The following FARS2 variants were observed in gnomAD, a reference collection of about 807,000 sequenced individuals.
FARS2 encodes the protein phenylalanyl-tRNA synthetase 2, mitochondrial.
FARS2 carries 40 observed loss-of-function variants against 46.4 expected under a neutral mutation model. That is an observed-to-expected ratio of 0.86 (90% CI 0.67 to 1.12). The LOEUF is 1.12. FARS2 is among the 50% of genes most tolerant of loss of function. The probability of loss-of-function intolerance (pLI) is 0.00; values close to 1 mark genes in which losing one functional copy is unlikely to be tolerated. For missense variants in FARS2, 513 were observed against 567.9 expected, an observed-to-expected ratio of 0.90 and a Z score of 0.98; for synonymous variants, 234 against 214.9, an observed-to-expected ratio of 1.09 and a Z score of -0.78.
intron 6 of FARS2, among the ~76,000 whole-genome samples, chr6:5,616,010 T>TAAAAAAAAAAAAAAAA (rs11327256): frequency 4.2e-5 from 4 of 95,824 alleles, no homozygotes; most frequent in Non-Finnish European, 6.2e-5. Flanking sequence ...CCATAGCTCT[T>TAAAAAAAAAAAAAAAA]AAAAAAAAAA....
chr6:5,297,824 T>G (rs984321082), intron 1 of FARS2, among the ~76,000 whole-genome samples: 1 of 152,272 alleles, frequency 6.6e-6, no homozygotes. Context: ...TGATTTCCCT[T>G]TTATTTAAGA....
chr6:5,521,749 A>G (rs1027088760), intron 4 of FARS2, among the ~76,000 whole-genome samples: 1 of 152,214 alleles, frequency 6.6e-6, no homozygotes, highest in Admixed American at 6.5e-5. Flanking sequence ...AACCTGTTTC[A>G]GTGTGTAGGT....
At chr6:5,652,981 T>C (rs2150763800) in intron 6 of FARS2, among the ~76,000 whole-genome samples, 1 of 152,326 alleles carries the variant, frequency 6.6e-6, no homozygotes, top group South Asian at 2.1e-4. Context: ...CTTGTGTGTA[T>C]GCAGGAGAGA....
chr6:5,685,046 T>C (rs1398546633), intron 6 of FARS2, among the ~76,000 whole-genome samples: 1 of 152,088 alleles, frequency 6.6e-6, no homozygotes, highest in Non-Finnish European at 1.5e-5. Flanking sequence ...GTGGAACCCA[T>C]GGAGGCTCAT....
rs1762671545 is a variant in FARS2 at position 5,764,913 on chromosome 6, C to T, written c.1218-6378C>T. On this transcript the variant is annotated intron_variant, in intron 6 of 6. Transcript: ENST00000274680. This position sits in a 1 kb window ranked among gnomAD's most constrained non-coding sequence, Gnocchi z 4.1. ...TCTTTAGAAAATCTCCTTCTTGGCA[C>T]ACTTTGAACTGGAGAGCAGTGACAC... Among the ~76,000 whole-genome samples the T allele has an allele frequency of 6.6e-6, 1 of 152,222 alleles. No individual in the cohort carries two copies. Among genetic ancestry groups the T allele is most frequent in the South Asian group, 2.1e-4 (1 of 4,832 alleles).
intron 4 of FARS2, among the ~76,000 whole-genome samples, chr6:5,453,080 C>A (rs1764599664): frequency 6.6e-6 from 1 of 152,160 alleles, no homozygotes; most frequent in African/African-American, 2.4e-5. Context: ...AACTCCACTA[C>A]TGAAGTTTGC....
intron 6 of FARS2, among the ~76,000 whole-genome samples, chr6:5,622,254 G>A (rs369340550): frequency 3.9e-5 from 6 of 152,184 alleles, no homozygotes; most frequent in African/African-American, 9.7e-5. Context: ...TTTTTACACC[G>A]CCTTCCTCTT....
chr6:5,508,717 T>C (rs1346642205), intron 4 of FARS2, among the ~76,000 whole-genome samples: 2 of 152,192 alleles, frequency 1.3e-5, no homozygotes, highest in African/African-American at 4.8e-5. Context: ...ATGTATGTTC[T>C]TGGGCATGGG....
At chr6:5,683,741 G>A (rs1163058226) in intron 6 of FARS2, among the ~76,000 whole-genome samples, 1 of 152,072 alleles carries the variant, frequency 6.6e-6, no homozygotes, top group Non-Finnish European at 1.5e-5. Context: ...GGAGGCATTA[G>A]ATATTTGTCC....
chr6:5,507,639 CT>C (rs1768178175), intron 4 of FARS2, among the ~76,000 whole-genome samples: 1 of 152,160 alleles, frequency 6.6e-6, no homozygotes, highest in Non-Finnish European at 1.5e-5. Flanking sequence ...ATGGTAATAG[CT>C]TTTAAGAGAG....
intron 6 of FARS2, among the ~76,000 whole-genome samples, chr6:5,643,744 T>C (rs1483798979): frequency 6.6e-6 from 1 of 152,110 alleles, no homozygotes; most frequent in Non-Finnish European, 1.5e-5. Flanking sequence ...AACTGCTTGA[T>C]CCACAGTCTA....
chr6:5,432,532 T>A lies in FARS2; in HGVS notation c.904+1360T>A, dbSNP rs1258352683. ...TATCCCAATCATATATATATATTTTTTTTTTTCAGAGTATAAATCCTCCAA... is the reference window on the plus strand; with the variant it reads ...TATCCCAATCATATATATATATTTTATTTTTTCAGAGTATAAATCCTCCAA... On this transcript the variant is annotated intron_variant, in intron 4 of 6. Coordinates refer to ENST00000274680, the MANE Select transcript of FARS2 (RefSeq NM_006567.5). Among the ~76,000 whole-genome samples, 242 of 139,470 alleles carry A rather than the reference T, an allele frequency of 1.7e-3. 2 individuals are homozygous for A. The highest frequency in any genetic ancestry group is 5.0e-3 in the African/African-American group (185 of 37,306). The allele number at this position is 139,470 out of a possible 152,430, so 91.5% of individuals were successfully genotyped here. A position where few individuals can be genotyped will look rare whatever the true frequency, so the allele number is the denominator to read the frequency against.
In FARS2 at chr6:5,405,480, C is replaced by CTTTTTTTTTTTTTTTTTTT. The variant is rs398000284; in HGVS notation, c.772+786_772+804dup. ...AGGACGTGATCAGTGGAGCAAGGTT[C>CTTTTTTTTTTTTTTTTTTT]TTTTTTTTTTTTTTTTTTTTTTTTT... On this transcript the variant is annotated intron_variant, in intron 3 of 6. Transcript: ENST00000274680. Among the ~76,000 whole-genome samples the CTTTTTTTTTTTTTTTTTTT allele has an allele frequency of 8.5e-4, 50 of 58,952 alleles. 8 individuals carry two copies. Among genetic ancestry groups the CTTTTTTTTTTTTTTTTTTT allele is most frequent in the Non-Finnish European group, 1.1e-3 (36 of 32,156 alleles). 38.7% of individuals were successfully genotyped at this position (58,952 alleles called of 152,430 possible). A position where few individuals can be genotyped will look rare whatever the true frequency, so the allele number is the denominator to read the frequency against.
At chr6:5,746,614 A>T (rs1561835268) in intron 6 of FARS2, among the ~76,000 whole-genome samples, 1 of 144,348 alleles carries the variant, frequency 6.9e-6, no homozygotes, top group Admixed American at 7.5e-5. Context: ...GGCTGGTGAG[A>T]CTGCGGGCTC....
intron 6 of FARS2, among the ~76,000 whole-genome samples, chr6:5,679,760 C>T (rs371290788): frequency 1.3e-5 from 2 of 152,196 alleles, no homozygotes; most frequent in South Asian, 2.1e-4. Context: ...AGAAAAGCTT[C>T]TATCCTTTCC....
At chr6:5,735,244 C>T (rs1198825770) in intron 6 of FARS2, among the ~76,000 whole-genome samples, 1 of 152,216 alleles carries the variant, frequency 6.6e-6, no homozygotes. Flanking sequence ...AAGTAACTTA[C>T]TCAAGGCCAC....
chr6:5,697,450 A>G (rs1192568337), intron 6 of FARS2, among the ~76,000 whole-genome samples: 5 of 152,232 alleles, frequency 3.3e-5, no homozygotes, highest in African/African-American at 1.2e-4. Flanking sequence ...TTTGGAGATG[A>G]AAGACTTCTA....
chr6:5,737,104 C>T (rs932691877), intron 6 of FARS2, among the ~76,000 whole-genome samples: 5 of 152,150 alleles, frequency 3.3e-5, no homozygotes, highest in African/African-American at 7.2e-5. Flanking sequence ...GATGACCCTG[C>T]GTGAAGGGAG....
chr6:5,770,695 T>C (rs1762989874), intron 6 of FARS2, among the ~76,000 whole-genome samples: 1 of 152,222 alleles, frequency 6.6e-6, no homozygotes, highest in African/African-American at 2.4e-5. Flanking sequence ...TCAGCTGTTC[T>C]ATGCAAGCCA....
Sources: allele counts gnomAD v4.1 joint callset (sites outside exome capture counted in the v4.1 genomes callset), GRCh38; gene constraint gnomAD v4.1.1; non-coding constraint Gnocchi (gnomAD v3.1); transcripts MANE v1.5; gene names NCBI Gene and HGNC (gene_info 2026-07-23, HGNC 2026-07-21).